Variants in OSTM1 observed in about 807,000 individuals in gnomAD.
OSTM1 encodes the protein osteopetrosis-associated transmembrane protein 1.
A neutral mutation model predicts 35.4 loss-of-function variants in OSTM1; 26 were observed. That is an observed-to-expected ratio of 0.73 (90% CI 0.54 to 1.02). The LOEUF is 1.02. Ranked by LOEUF, OSTM1 falls within the 50% of genes least tolerant of loss-of-function variation. The probability of loss-of-function intolerance (pLI) is 0.00; values close to 1 mark genes in which losing one functional copy is unlikely to be tolerated. For missense variants in OSTM1, 366 were observed against 409.6 expected (o/e 0.89, Z 0.92); for synonymous variants, 181 against 165.0 (o/e 1.10, Z -0.75).
intron 2 of OSTM1, among the ~76,000 whole-genome samples, chr6:108,063,101 T>G (rs76088893): frequency 5.3e-5 from 8 of 151,938 alleles, no homozygotes; most frequent in Non-Finnish European, 5.9e-5. Flanking sequence ...CATCCTTGAA[T>G]TCCTGGGCTG....
chr6:108,074,695 C>T lies in OSTM1; in HGVS notation c.-44G>A, dbSNP rs1459226211. 1 of 1,486,396 alleles carries T rather than the reference C, an allele frequency of 6.7e-7. No individual in the cohort carries two copies. Among genetic ancestry groups the T allele is most frequent in the Admixed American group, 2.3e-5 (1 of 44,108 alleles). 92.1% of individuals were successfully genotyped at this position (1,486,396 alleles called of 1,614,324 possible). On this transcript the variant is annotated 5_prime_UTR_variant, in exon 1 of 6. Coordinates refer to ENST00000193322, the MANE Select transcript of OSTM1 (RefSeq NM_014028.4). ...CAGGGAGCCCACCGCCGCCTCTCCG[C>T]CCCCAGCCGGCACCGCGGACAGCCG...
intron 5 of OSTM1, among the ~76,000 whole-genome samples, chr6:108,047,528 T>C (rs1368915846): frequency 6.6e-6 from 1 of 152,224 alleles, no homozygotes; most frequent in African/African-American, 2.4e-5. Context: ...TTTAAAAAAT[T>C]ATTCTAGCCA....
intron 2 of OSTM1, among the ~76,000 whole-genome samples, chr6:108,062,179 A>G (rs898279093): frequency 6.6e-6 from 1 of 152,210 alleles, no homozygotes; most frequent in Non-Finnish European, 1.5e-5. Context: ...ATTATTAAAG[A>G]ATTAGTAAGT....
chr6:108,056,215 G>A (rs1772167485), intron 2 of OSTM1, among the ~76,000 whole-genome samples: 1 of 152,162 alleles, frequency 6.6e-6, no homozygotes, highest in Non-Finnish European at 1.5e-5. Context: ...TTCTTGCAGT[G>A]ATTCCATGAG....
intron 2 of OSTM1, among the ~76,000 whole-genome samples, chr6:108,058,044 C>CT (rs761751778): frequency 0.042 from 5,146 of 121,494 alleles, 423 homozygotes; most frequent in African/African-American, 0.15. Context: ...AAGAGTCAAT[C>CT]TTTTTTTTTT....
intron 5 of OSTM1, among the ~76,000 whole-genome samples, chr6:108,046,801 C>A (rs922682104): frequency 1.3e-5 from 2 of 152,168 alleles, no homozygotes; most frequent in Non-Finnish European, 2.9e-5. Context: ...GGGAGGCAAA[C>A]CAAATCAATA....
chr6:108,052,349 C>T (rs1299688501), intron 3 of OSTM1, among the ~76,000 whole-genome samples: 4 of 150,760 alleles, frequency 2.7e-5, no homozygotes, highest in African/African-American at 4.9e-5. Flanking sequence ...AGGAGAATGG[C>T]GTGAACCCGG....
In OSTM1 at chr6:108,074,553, G is replaced by A. The variant is rs747818545; in HGVS notation, c.99C>T (p.Leu33=). Residue 33 remains leucine (L), a synonymous_variant, in exon 1 of 6, where the codon CTC becomes CTT. Transcript: ENST00000193322. ...CCCTGTGCGGACTGCTGCCGAAGGGGAGCGCGCCCAGGGCCAGCCCCGACC... is the reference window on the plus strand; with the variant it reads ...CCCTGTGCGGACTGCTGCCGAAGGGAAGCGCGCCCAGGGCCAGCCCCGACC... The part of the protein sequence containing the change: ...LLWSGLALGA[L]PFGSSPHRVF... 1.3e-6 allele frequency: 2 copies of A among 1,557,868 alleles called. No homozygotes were observed. Among genetic ancestry groups the A allele is most frequent in the Non-Finnish European group, 1.7e-6 (2 of 1,153,576 alleles).
chr6:108,044,786 C>T lies in OSTM1; in HGVS notation c.1004G>A (p.Ter335=), dbSNP rs1771937376. Residue 335 remains the stop codon, a stop_retained_variant, in exon 6 of 6, where the codon TGA becomes TAA. Transcript: ENST00000193322. ...SFANIQENSN[*] is the part of the protein sequence containing the mutation. ...TGTCAATTCTCCATTTTGTAGGTCTCAGTTTGAATTTTCCTGAATATTTGC... is the reference window on the plus strand; with the variant it reads ...TGTCAATTCTCCATTTTGTAGGTCTTAGTTTGAATTTTCCTGAATATTTGC... The T allele has an allele frequency of 6.4e-7, 1 of 1,556,854 alleles. No homozygotes were observed. Among genetic ancestry groups the T allele is most frequent in the East Asian group, 2.3e-5 (1 of 44,242 alleles).
At chr6:108,044,881 TTATC>T in intron 5 of OSTM1, 41 bp from the exon 6 acceptor site, 1 of 1,005,148 alleles carries the variant, frequency 9.9e-7, no homozygotes, top group Non-Finnish European at 1.5e-6. Flanking sequence ...TTAAATTTAA[TTATC>T]AAACATGATT....
intron 1 of OSTM1, among the ~76,000 whole-genome samples, chr6:108,066,931 C>T (rs1331590952): frequency 1.3e-5 from 2 of 152,154 alleles, no homozygotes; most frequent in Non-Finnish European, 2.9e-5. Context: ...CTTGCTTATA[C>T]TTAGAACTCT....
intron 2 of OSTM1, among the ~76,000 whole-genome samples, chr6:108,062,884 C>G (rs1772306653): frequency 6.6e-6 from 1 of 152,040 alleles, no homozygotes; most frequent in South Asian, 2.1e-4. Flanking sequence ...AATGTTGGCC[C>G]AAATAGTATA....
chr6:108,065,756 G>GC (rs1180952384), intron 1 of OSTM1, among the ~76,000 whole-genome samples: 11 of 152,166 alleles, frequency 7.2e-5, no homozygotes, highest in African/African-American at 2.4e-4. Context: ...CTACCATGCT[G>GC]CCAACCTGAA....
chr6:108,063,738 C>A (rs1331250027), intron 2 of OSTM1, among the ~76,000 whole-genome samples: 1 of 152,184 alleles, frequency 6.6e-6, no homozygotes, highest in Non-Finnish European at 1.5e-5. Flanking sequence ...TATTATTATA[C>A]TAAACAGTTA....
chr6:108,068,660 AC>A (rs1772423876), intron 1 of OSTM1, among the ~76,000 whole-genome samples: 1 of 151,884 alleles, frequency 6.6e-6, no homozygotes, highest in South Asian at 2.1e-4. Context: ...TGTCTCTCAC[AC>A]CACTGCAACA....
intron 5 of OSTM1, among the ~76,000 whole-genome samples, chr6:108,048,749 C>CTTTTTTTTTTTTT (rs575605197): frequency 1.8e-5 from 2 of 111,786 alleles, no homozygotes; most frequent in Non-Finnish European, 3.5e-5. Flanking sequence ...TGTGTTTTAA[C>CTTTTTTTTTTTTT]TTTTTTTTTT....
intron 2 of OSTM1, among the ~76,000 whole-genome samples, chr6:108,062,586 T>C (rs1437325817): frequency 6.6e-6 from 1 of 151,638 alleles, no homozygotes; most frequent in Non-Finnish European, 1.5e-5. Context: ...CTCGTTCTGT[T>C]GCCCAGAGCG....
chr6:108,049,845 A>G (rs1280054700), intron 4 of OSTM1, among the ~76,000 whole-genome samples: 1 of 152,192 alleles, frequency 6.6e-6, no homozygotes, highest in Non-Finnish European at 1.5e-5. Context: ...CACACTGTAC[A>G]TTTCATTTTA....
chr6:108,058,129 C>T (rs2114600334), intron 2 of OSTM1, among the ~76,000 whole-genome samples: 1 of 148,412 alleles, frequency 6.7e-6, no homozygotes, highest in South Asian at 2.1e-4. Flanking sequence ...CAGCTCATTG[C>T]AGCCTCCAAT....
Sources: allele counts gnomAD v4.1 joint callset (sites outside exome capture counted in the v4.1 genomes callset), GRCh38; gene constraint gnomAD v4.1.1; transcripts MANE v1.5; gene names NCBI Gene and HGNC (gene_info 2026-07-23, HGNC 2026-07-21).